The following VPS16 variants were observed in gnomAD, a reference collection of about 807,000 sequenced individuals.
VPS16 encodes VPS16 core subunit of CORVET and HOPS complexes, also known as vacuolar protein sorting-associated protein 16 homolog.
In VPS16, 82 loss-of-function variants were observed where a neutral mutation model predicts 116.0. The ratio of observed to expected loss-of-function variants is 0.71; its 90% CI spans 0.59 to 0.85. VPS16 has a LOEUF of 0.85. Among genes scored for constraint, VPS16 ranks in the 40% least tolerant of loss-of-function variants. The pLI, the probability that VPS16 is intolerant of heterozygous loss-of-function variation, is 0.00. For missense variants in VPS16, 928 were observed against 1,090.6 expected (o/e 0.85, Z 2.10); for synonymous variants, 406 against 420.7 (o/e 0.96, Z 0.43).
chr20:2,857,305 G>T (rs369936015), intron 1 of VPS16, among the ~76,000 whole-genome samples: 2 of 152,116 alleles, frequency 1.3e-5, no homozygotes, highest in South Asian at 4.1e-4. Flanking sequence ...ATCAGTTTGT[G>T]CATTACCCTT....
At chr20:2,854,238 T>TAC (rs150363426) in intron 1 of VPS16, among the ~76,000 whole-genome samples, 3,092 of 139,878 alleles carry the variant, frequency 0.022, 50 homozygotes, top group Middle Eastern at 0.053. Flanking sequence ...ACCCCGTCTC[T>TAC]ACACACACAC....
At position 2,862,152 on chromosome 20, in the gene VPS16, C is replaced by T. The variant is rs74700028; in HGVS notation, c.1071+22C>T. On this transcript the variant is annotated intron_variant, in intron 11 of 23. Transcript: ENST00000380445. Reference sequence around the variant, plus strand: ...TGAGGTAAAGCCCTGGGCTTCTCTCCCAGTCCCAGAATGGTTCCTCCTGCC... The same window carrying T: ...TGAGGTAAAGCCCTGGGCTTCTCTCTCAGTCCCAGAATGGTTCCTCCTGCC... 2.5e-6 allele frequency: 4 copies of T among 1,608,646 alleles called. No individual in the cohort carries two copies. In the East Asian group the frequency reaches 6.7e-5, roughly 27 times the overall value.
rs746497956 is a variant in VPS16, at chr20:2,864,699, TG to T, written c.1926+49del. ...TGTGGGGCGTGTGGGGCATGTGGGC[TG>T]GGGCTGTTGGTCCGGTTCCTTCAGG... is the stretch of plus-strand genomic sequence containing the variant. On this transcript the variant is annotated intron_variant, in intron 19 of 23. Coordinates refer to ENST00000380445, the MANE Select transcript of VPS16 (RefSeq NM_022575.4). The surrounding 1 kb of genome is among the most constrained non-coding windows in gnomAD (Gnocchi z 5.2). The T allele has an allele frequency of 6.9e-6, 11 of 1,589,866 alleles. No homozygotes were observed. Among genetic ancestry groups the T allele is most frequent in the East Asian group, 4.5e-5 (2 of 44,772 alleles).
At chr20:2,844,413 G>A (rs1474746644) in intron 1 of VPS16, among the ~76,000 whole-genome samples, 1 of 152,208 alleles carries the variant, frequency 6.6e-6, no homozygotes, top group African/African-American at 2.4e-5. Context: ...ACGGTGACCA[G>A]TTCTTATGGG....
In VPS16 at chr20:2,865,169, C is replaced by T. The variant is rs1283689895; in HGVS notation, c.2026C>T (p.Leu676Phe). The T allele has an allele frequency of 1.2e-6, 2 of 1,614,058 alleles. No individual in the cohort carries two copies. The highest frequency in any genetic ancestry group is 2.7e-5 in the African/African-American group (2 of 74,920). Residue 676 changes from leucine to phenylalanine, a missense_variant, in exon 21 of 24, where the codon CTC becomes TTC. By Grantham distance (22) the Leu-to-Phe change is conservative. Coordinates refer to ENST00000380445, the MANE Select transcript of VPS16 (RefSeq NM_022575.4). This position sits in a 1 kb window ranked among gnomAD's most constrained non-coding sequence, Gnocchi z 5.2. ...AAKATEDQMR[L>F]LRLQRRLEDE... ...CCAGGCTACAGAGGATCAAATGCGG[C>T]TCCTACGGCTGCAGCGGCGCCTAGA...
At chr20:2,840,978 G>A (rs2146631408) in intron 1 of VPS16, 151 bp downstream of exon 1, 1 of 732,526 alleles carries the variant, frequency 1.4e-6, no homozygotes, top group Non-Finnish European at 2.2e-6. Flanking sequence ...GCGCACAGCC[G>A]CCTTTGGGCA....
At chr20:2,856,141 T>G (rs2089169578) in intron 1 of VPS16, among the ~76,000 whole-genome samples, 1 of 151,874 alleles carries the variant, frequency 6.6e-6, no homozygotes, top group African/African-American at 2.4e-5. Flanking sequence ...AGTTAGAGGG[T>G]TTTTAATTAG....
chr20:2,851,157 G>A (rs1016235450), intron 1 of VPS16, among the ~76,000 whole-genome samples: 6 of 152,130 alleles, frequency 3.9e-5, no homozygotes, highest in Non-Finnish European at 7.4e-5. Flanking sequence ...GCCCAGGTTG[G>A]AGCTGGTCTA....
rs564241833 is a variant in VPS16, at chr20:2,859,594, A to G, written c.54-125A>G. 3.6e-5 allele frequency: 39 copies of G among 1,087,992 alleles called. No homozygotes were observed. The African/African-American group carries it at 4.9e-4, about 14-fold the overall frequency. 67.4% of individuals were successfully genotyped at this position (1,087,992 alleles called of 1,614,324 possible). On this transcript the variant is annotated intron_variant, in intron 1 of 23. Transcript: ENST00000380445. ...CACCCTCCTCCCTCCCTCTGGGGGT[A>G]GAGAGTGGAGACTTCCTCTACAGCC...
In VPS16 at chr20:2,863,194, C is replaced by G; in HGVS notation, c.1367+94C>G. The G allele has an allele frequency of 6.2e-7, 1 of 1,610,238 alleles. No homozygotes were observed. Among genetic ancestry groups the G allele is most frequent in the Non-Finnish European group, 8.5e-7 (1 of 1,176,884 alleles). The stretch of plus-strand genomic sequence containing the variant: ...CTTATGGTCACTGCTCCTGACCTAT[C>G]TAGGATGTGGGAGGCCTGATGTGCA... On this transcript the variant is annotated intron_variant, in intron 14 of 23. Coordinates refer to ENST00000380445, the MANE Select transcript of VPS16 (RefSeq NM_022575.4). The surrounding 1 kb of genome is among the most constrained non-coding windows in gnomAD (Gnocchi z 4.4).
At chr20:2,843,233 A>G (rs2089027090) in intron 1 of VPS16, among the ~76,000 whole-genome samples, 1 of 152,104 alleles carries the variant, frequency 6.6e-6, no homozygotes, top group Non-Finnish European at 1.5e-5. Context: ...AGAGTTCGAG[A>G]TCAGCCTGGC....
chr20:2,841,792 CTG>C (rs1459471147), intron 1 of VPS16, among the ~76,000 whole-genome samples: 1 of 151,144 alleles, frequency 6.6e-6, no homozygotes, highest in Non-Finnish European at 1.5e-5. Context: ...GAGTCTTCCT[CTG>C]TTGCCCAGGC....
intron 1 of VPS16, among the ~76,000 whole-genome samples, chr20:2,858,647 G>A (rs2089198020): frequency 6.6e-6 from 1 of 151,962 alleles, no homozygotes; most frequent in African/African-American, 2.4e-5. Flanking sequence ...TCCTGGAATA[G>A]TGCCCATTCC....
intron 1 of VPS16, among the ~76,000 whole-genome samples, chr20:2,850,562 G>A (rs962988313): frequency 3.4e-4 from 52 of 152,040 alleles, no homozygotes; most frequent in African/African-American, 1.3e-3. Context: ...GGAGGTGGAG[G>A]TTGCAGTTAG....
chr20:2,864,514 C>A lies in VPS16; in HGVS notation c.1819-33C>A. 6.2e-7 allele frequency: 1 copy of A among 1,614,010 alleles called. No homozygotes were observed. The stretch of plus-strand genomic sequence containing the variant: ...GTAGCCTTCTGAGCACTTGAGTTGG[C>A]CTTGCTGACTGATTGCCTGCCTGTG... On this transcript the variant is annotated intron_variant, in intron 18 of 23. Coordinates refer to ENST00000380445, the MANE Select transcript of VPS16 (RefSeq NM_022575.4). The surrounding 1 kb of genome is among the most constrained non-coding windows in gnomAD (Gnocchi z 5.2).
At chr20:2,859,986 A>G (rs2146664631) in intron 2 of VPS16, 68 bp from the exon 3 acceptor site, 2 of 1,595,176 alleles carry the variant, frequency 1.3e-6, no homozygotes, top group East Asian at 2.2e-5. Flanking sequence ...GGGAGCCAGG[A>G]TGTGAGGCCT....
rs1051920462 is a variant in VPS16, at chr20:2,851,099, G to A, written c.54-8620G>A. On this transcript the variant is annotated intron_variant, in intron 1 of 23. Transcript: ENST00000380445. The stretch of plus-strand genomic sequence containing the variant: ...GTCTTCAGGCTAGGGTTCAGACCTC[G>A]TTGGAAAAATACAGTTGCAGCCCAC... Among the ~76,000 whole-genome samples, 8 of 152,304 alleles carry A rather than the reference G, an allele frequency of 5.3e-5. No homozygotes were observed. The South Asian group carries it at 8.3e-4, about 16-fold the overall frequency.
chr20:2,847,479 C>CTCTTT (rs2089072190), intron 1 of VPS16, among the ~76,000 whole-genome samples: 1 of 125,830 alleles, frequency 7.9e-6, no homozygotes, highest in African/African-American at 3.8e-5. Context: ...ACCGCCCCCT[C>CTCTTT]TATTTTTTTT....
At chr20:2,851,595 G>C (rs1300998292) in intron 1 of VPS16, among the ~76,000 whole-genome samples, 1 of 151,864 alleles carries the variant, frequency 6.6e-6, no homozygotes, top group Non-Finnish European at 1.5e-5. Context: ...CTGGGAGGCA[G>C]AGGTTGCAGT....
Sources: allele counts gnomAD v4.1 joint callset (sites outside exome capture counted in the v4.1 genomes callset), GRCh38; gene constraint gnomAD v4.1.1; non-coding constraint Gnocchi (gnomAD v3.1); transcripts MANE v1.5; gene names NCBI Gene and HGNC (gene_info 2026-07-23, HGNC 2026-07-21).